LOXHD1: variants seen among roughly 807,000 people sequenced by gnomAD.
LOXHD1 encodes the protein lipoxygenase homology domain-containing protein 1.
LOXHD1 carries 205 observed loss-of-function variants against 248.2 expected under a neutral mutation model. That is an observed-to-expected ratio of 0.83 (90% CI 0.74 to 0.93). LOXHD1 has a LOEUF of 0.93. LOXHD1 is among the 40% of genes least tolerant of loss of function. The pLI is 0.00. For missense variants in LOXHD1, 2,930 were observed against 2,971.6 expected (o/e 0.99, Z 0.33); for synonymous variants, 1,113 against 1,162.8 (o/e 0.96, Z 0.87).
chr18:46,549,127 C>G (rs987730142), intron 21 of LOXHD1, among the ~76,000 whole-genome samples: 3 of 152,168 alleles, frequency 2.0e-5, no homozygotes, highest in African/African-American at 7.2e-5. Context: ...TCCTGGTCAA[C>G]CAGGCTTCTG....
At chr18:46,572,247 G>A (rs1599016502) in intron 14 of LOXHD1, 85 bp from the exon 15 acceptor site, 1 of 1,189,090 alleles carries the variant, frequency 8.4e-7, no homozygotes, top group Non-Finnish European at 1.2e-6. Context: ...GAGTCACTAT[G>A]GAGGCCCAGA....
At chr18:46,636,066 G>T (rs1370378300) in intron 4 of LOXHD1, among the ~76,000 whole-genome samples, 1 of 152,142 alleles carries the variant, frequency 6.6e-6, no homozygotes, top group Non-Finnish European at 1.5e-5. Context: ...CTAAGAAATT[G>T]AACTTGGTTC....
chr18:46,642,944 C>T (rs1332812912), intron 2 of LOXHD1, among the ~76,000 whole-genome samples: 2 of 152,196 alleles, frequency 1.3e-5, no homozygotes, highest in Non-Finnish European at 2.9e-5. Flanking sequence ...GCACACAGCT[C>T]ATGGGAAAGG....
chr18:46,609,256 C>T (rs75911158), intron 6 of LOXHD1, among the ~76,000 whole-genome samples: 1,790 of 152,230 alleles, frequency 0.012, 42 homozygotes, highest in East Asian at 0.073. Context: ...GGAGCAGGTG[C>T]ATCAGAAAGC....
chr18:46,571,879 G>A (rs1334349342), intron 15 of LOXHD1, among the ~76,000 whole-genome samples: 1 of 152,112 alleles, frequency 6.6e-6, no homozygotes. Context: ...ATGCATTCAG[G>A]GCCTCACACC....
chr18:46,524,434 C>T (rs1264779495), intron 31 of LOXHD1, 32 bp downstream of exon 31: 3 of 1,540,544 alleles, frequency 1.9e-6, no homozygotes, highest in South Asian at 2.4e-5. Flanking sequence ...ATGTGCCTGG[C>T]CCCCGTCCAA....
chr18:46,579,320 C>A (rs1478672948), intron 13 of LOXHD1, among the ~76,000 whole-genome samples: 1 of 152,176 alleles, frequency 6.6e-6, no homozygotes, highest in Admixed American at 6.5e-5. Context: ...TGGGGGAGAA[C>A]CATAATCCCT....
intron 12 of LOXHD1, among the ~76,000 whole-genome samples, chr18:46,585,080 G>A (rs191390300): frequency 7.8e-4 from 119 of 151,900 alleles, no homozygotes; most frequent in African/African-American, 2.6e-3. Flanking sequence ...ACCCATAAAC[G>A]TTAGCTATAA....
At chr18:46,625,045 T>A (rs997054785) in intron 4 of LOXHD1, among the ~76,000 whole-genome samples, 2 of 152,052 alleles carry the variant, frequency 1.3e-5, no homozygotes, top group Admixed American at 1.3e-4. Context: ...AATGAGGCAA[T>A]GGAAGCAGGA....
intron 4 of LOXHD1, among the ~76,000 whole-genome samples, chr18:46,630,439 G>A (rs1016781229): frequency 3.9e-5 from 6 of 152,246 alleles, no homozygotes; most frequent in Non-Finnish European, 7.3e-5. Context: ...GTCGTGAGAA[G>A]GCCAGGCAGG....
At chr18:46,596,728 CAGG>C (rs1287252062) in intron 8 of LOXHD1, among the ~76,000 whole-genome samples, 3 of 152,040 alleles carry the variant, frequency 2.0e-5, no homozygotes, top group African/African-American at 4.8e-5. Flanking sequence ...TGAGGAGAAG[CAGG>C]AGAATACCAA....
intron 5 of LOXHD1, among the ~76,000 whole-genome samples, chr18:46,614,659 G>T (rs188189959): frequency 4.7e-4 from 72 of 151,958 alleles, no homozygotes; most frequent in Non-Finnish European, 1.6e-4. Flanking sequence ...CGTGGCACAT[G>T]TATACATAGG....
In LOXHD1 at chr18:46,593,955, T is replaced by C. The variant is rs138941761; in HGVS notation, c.1271-195A>G. ...CCTTACTATTAAAAATAAGGTGCTA[T>C]AATGTTCTTTTTAATGGCTAAAGTG... On this transcript the variant is annotated intron_variant, in intron 9 of 40. Coordinates refer to ENST00000642948, the MANE Select transcript of LOXHD1 (RefSeq NM_001384474.1). Among the ~76,000 whole-genome samples, 711 of 152,328 alleles carry C rather than the reference T, an allele frequency of 4.7e-3. 6 individuals carry two copies. Among genetic ancestry groups the C allele is most frequent in the African/African-American group, 0.016 (681 of 41,574 alleles).
intron 6 of LOXHD1, among the ~76,000 whole-genome samples, chr18:46,605,996 A>G (rs1040093414): frequency 6.6e-6 from 1 of 152,204 alleles, no homozygotes; most frequent in Non-Finnish European, 1.5e-5. Context: ...AAAGAACCTA[A>G]TGTGGGACCC....
chr18:46,602,430 C>T (rs1018616186), intron 7 of LOXHD1, among the ~76,000 whole-genome samples: 3 of 151,776 alleles, frequency 2.0e-5, no homozygotes, highest in East Asian at 1.9e-4. Flanking sequence ...GGTCTCGAAC[C>T]CCTGGCCTCA....
chr18:46,498,391 T>C (rs1177437324), intron 37 of LOXHD1, among the ~76,000 whole-genome samples: 1 of 152,194 alleles, frequency 6.6e-6, no homozygotes, highest in Admixed American at 6.5e-5. Context: ...AGAAGGTTCT[T>C]CCCTACTATA....
rs576242492 is a variant in LOXHD1, at chr18:46,614,477, C to A, written c.611-3553G>T. On this transcript the variant is annotated intron_variant, in intron 5 of 40. Coordinates refer to ENST00000642948, the MANE Select transcript of LOXHD1 (RefSeq NM_001384474.1). Reference sequence around the variant, plus strand: ...AGCAAACTATCGCAAGGATAGAAAACCAAACACTGCATGTTCTCACTCATA... The same window carrying A: ...AGCAAACTATCGCAAGGATAGAAAAACAAACACTGCATGTTCTCACTCATA... 1.4e-4 allele frequency among the ~76,000 whole-genome samples: 21 copies of A among 152,140 alleles called. No individual in the cohort carries two copies. In the South Asian group the frequency reaches 3.9e-3, roughly 29 times the overall value.
Position 46,507,656 on chromosome 18 carries a change from C to A in LOXHD1, c.5574G>T (p.Trp1858Cys). Residue 1858 changes from tryptophan (W) to cysteine (C), a missense_variant, in exon 36 of 41, where the codon TGG becomes TGT. Coordinates refer to ENST00000642948, the MANE Select transcript of LOXHD1 (RefSeq NM_001384474.1). ...GDLTMFYYGD[W>C]LSQRKGKKTL... ...TCTTCTTGCCCTTCCGCTGGGACAG[C>A]CAGTCTCCATAGTAGAACATGGTCA... The A allele has an allele frequency of 6.4e-7, 1 of 1,551,732 alleles. No homozygotes were observed. Among genetic ancestry groups the A allele is most frequent in the African/African-American group, 1.4e-5 (1 of 73,182 alleles).
chr18:46,597,810 G>A (rs1005603862), intron 8 of LOXHD1, among the ~76,000 whole-genome samples: 9 of 151,004 alleles, frequency 6.0e-5, no homozygotes, highest in African/African-American at 1.2e-4. Context: ...AGGCTGGAGC[G>A]CAGTGGCGCA....
Sources: allele counts gnomAD v4.1 joint callset (sites outside exome capture counted in the v4.1 genomes callset), GRCh38; gene constraint gnomAD v4.1.1; transcripts MANE v1.5; gene names NCBI Gene and HGNC (gene_info 2026-07-23, HGNC 2026-07-21).